Variants in DENND6A observed in about 807,000 individuals in gnomAD.
DENND6A encodes the protein DENN domain containing 6A.
In DENND6A, 43 loss-of-function variants were observed where a neutral mutation model predicts 95.5. The ratio of observed to expected loss-of-function variants is 0.45; its 90% confidence interval spans 0.35 to 0.58. The LOEUF (loss-of-function observed/expected upper bound fraction) is 0.58, where lower values mean the gene tolerates loss of function less well. DENND6A is among the 20% of genes least tolerant of loss of function. The probability of loss-of-function intolerance (pLI) is 0.00; values close to 1 mark genes in which losing one functional copy is unlikely to be tolerated. For missense variants in DENND6A, 574 were observed against 736.0 expected, an observed-to-expected ratio of 0.78 and a Z score of 2.55; for synonymous variants, 257 against 260.4, an observed-to-expected ratio of 0.99 and a Z score of 0.13.
chr3:57,687,254 T>G (rs890105429), intron 1 of DENND6A, among the ~76,000 whole-genome samples: 4 of 152,276 alleles, frequency 2.6e-5, no homozygotes, highest in Non-Finnish European at 5.9e-5. Flanking sequence ...GTGGAGAAAG[T>G]CTGAGTGGTC....
chr3:57,672,700 T>C (rs527709650), intron 1 of DENND6A, among the ~76,000 whole-genome samples: 3 of 152,074 alleles, frequency 2.0e-5, no homozygotes, highest in African/African-American at 7.2e-5. Context: ...GGAGGATCAC[T>C]TGAACCCGGG....
chr3:57,638,151 A>G (rs1178345712), intron 12 of DENND6A, among the ~76,000 whole-genome samples: 2 of 152,060 alleles, frequency 1.3e-5, no homozygotes, highest in East Asian at 3.9e-4. Flanking sequence ...AAATAAATAA[A>G]ATAAACTTCT....
At chr3:57,650,305 TA>T (rs963819918) in intron 9 of DENND6A, among the ~76,000 whole-genome samples, 214 of 138,814 alleles carry the variant, frequency 1.5e-3, no homozygotes, top group Admixed American at 1.9e-3. Flanking sequence ...ACAAAAAACC[TA>T]AAAAAAAAAA....
intron 9 of DENND6A, among the ~76,000 whole-genome samples, chr3:57,656,746 C>CA (rs772982224): frequency 1.3e-5 from 2 of 152,106 alleles, no homozygotes; most frequent in Non-Finnish European, 2.9e-5. Context: ...CACTTGAGGT[C>CA]AGGAGTTCGA....
chr3:57,648,408 A>G (rs7640956), intron 9 of DENND6A, among the ~76,000 whole-genome samples: 126,197 of 152,102 alleles, frequency 0.83, 52,630 homozygotes, highest in East Asian at 1. Flanking sequence ...TCAATATTGT[A>G]AAAATGACCA....
rs1457390697 is a variant in DENND6A at position 57,655,685 on chromosome 3, T to C, written c.818+1995A>G. Reference sequence around the variant, plus strand: ...GGTGTATATGAAGCATAAGTGACCCTTGTGTTTAAACTTGGGCCCATCCCC... The same window carrying C: ...GGTGTATATGAAGCATAAGTGACCCCTGTGTTTAAACTTGGGCCCATCCCC... On this transcript the variant is annotated intron_variant, in intron 9 of 19. Coordinates refer to ENST00000311128, the MANE Select transcript of DENND6A (RefSeq NM_152678.3). Among the ~76,000 whole-genome samples the C allele has an allele frequency of 2.0e-5, 3 of 152,212 alleles. No homozygotes were observed. In the East Asian group the frequency reaches 5.8e-4, roughly 29 times the overall value.
intron 1 of DENND6A, 85 bp downstream of exon 1, chr3:57,692,697 C>T: frequency 2.4e-6 from 3 of 1,265,644 alleles, no homozygotes; most frequent in South Asian, 3.4e-5. Context: ...AGGGTCCTGG[C>T]CGGTCAGCCC....
At chr3:57,665,418 T>C (rs1054157386) in intron 4 of DENND6A, among the ~76,000 whole-genome samples, 3 of 152,130 alleles carry the variant, frequency 2.0e-5, no homozygotes, top group Non-Finnish European at 4.4e-5. Context: ...ATTAATTAGA[T>C]GATATATGCT....
chr3:57,665,950 C>T, intron 4 of DENND6A, 173 bp downstream of exon 4: 2 of 533,310 alleles, frequency 3.8e-6, no homozygotes, highest in South Asian at 2.8e-5. Flanking sequence ...GTATAAAGTC[C>T]CTTTCATTCA....
intron 9 of DENND6A, among the ~76,000 whole-genome samples, chr3:57,650,946 G>A (rs763553510): frequency 7.2e-5 from 11 of 151,918 alleles, no homozygotes; most frequent in East Asian, 1.9e-4. Flanking sequence ...CACCACACCC[G>A]GCTAGTTTTG....
intron 12 of DENND6A, 116 bp downstream of exon 12, chr3:57,641,537 C>T (rs371813270): frequency 1.9e-5 from 14 of 755,808 alleles, no homozygotes; most frequent in Middle Eastern, 2.6e-4. Context: ...TTATACCCTT[C>T]TCCAAAGGCC....
At chr3:57,646,955 G>A (rs1326878989) in intron 9 of DENND6A, among the ~76,000 whole-genome samples, 2 of 152,170 alleles carry the variant, frequency 1.3e-5, no homozygotes, top group African/African-American at 4.8e-5. Context: ...CTACAGAAGT[G>A]CTGAGTATTT....
At chr3:57,679,918 G>C (rs1393598371) in intron 1 of DENND6A, among the ~76,000 whole-genome samples, 7 of 152,170 alleles carry the variant, frequency 4.6e-5, no homozygotes, top group Admixed American at 4.6e-4. Flanking sequence ...GGAAAAGCGA[G>C]ATATAGAGAT....
At chr3:57,674,978 G>T (rs2071685815) in intron 1 of DENND6A, among the ~76,000 whole-genome samples, 1 of 152,206 alleles carries the variant, frequency 6.6e-6, no homozygotes, top group African/African-American at 2.4e-5. Context: ...CTACTTGATG[G>T]TGGAGGGTGG....
intron 9 of DENND6A, among the ~76,000 whole-genome samples, chr3:57,651,124 T>G (rs2071201230): frequency 6.6e-6 from 1 of 152,082 alleles, no homozygotes; most frequent in South Asian, 2.1e-4. Flanking sequence ...AAAAATGAAG[T>G]ACAGACAGTC....
At chr3:57,668,043 C>T (rs1303537210) in intron 3 of DENND6A, among the ~76,000 whole-genome samples, 3 of 151,860 alleles carry the variant, frequency 2.0e-5, no homozygotes, top group Admixed American at 6.6e-5. Context: ...CCAGCCTGGG[C>T]AACAGAGCAA....
intron 1 of DENND6A, among the ~76,000 whole-genome samples, chr3:57,680,894 A>G (rs2077158165): frequency 1.3e-5 from 2 of 152,180 alleles, no homozygotes; most frequent in Admixed American, 1.3e-4. Context: ...TCAAAAGGAG[A>G]GACAATAACA....
intron 12 of DENND6A, among the ~76,000 whole-genome samples, chr3:57,636,351 T>TA (rs1439097769): frequency 2.0e-5 from 3 of 152,214 alleles, no homozygotes; most frequent in Non-Finnish European, 4.4e-5. Flanking sequence ...AGATACTTGT[T>TA]AAAAAAGCAG....
chr3:57,664,902 T>C (rs1169910402), intron 4 of DENND6A, among the ~76,000 whole-genome samples: 2 of 152,152 alleles, frequency 1.3e-5, no homozygotes, highest in African/African-American at 4.8e-5. Context: ...CACAAAGTGT[T>C]ACAGGAAAGC....
Sources: allele counts gnomAD v4.1 joint callset (sites outside exome capture counted in the v4.1 genomes callset), GRCh38; gene constraint gnomAD v4.1.1; transcripts MANE v1.5; gene names NCBI Gene and HGNC (gene_info 2026-07-23, HGNC 2026-07-21).